Variants in CA10 observed in about 807,000 individuals in gnomAD.
CA10 encodes the protein carbonic anhydrase-related protein 10.
CA10 carries 14 observed loss-of-function variants against 44.2 expected under a neutral mutation model. That is an observed-to-expected ratio of 0.32 (90% CI 0.21 to 0.50). The LOEUF (loss-of-function observed/expected upper bound fraction) is 0.50, where lower values mean the gene tolerates loss of function less well. Ranked by LOEUF, CA10 falls within the 20% of genes least tolerant of loss-of-function variation. The pLI is 0.99. For synonymous variants in CA10, 159 were observed against 141.6 expected (o/e 1.12, Z -0.87); for missense variants, 350 against 409.7 (o/e 0.85, Z 1.26).
chr17:51,882,512 T>C (rs910814018), intron 3 of CA10, among the ~76,000 whole-genome samples: 4 of 152,174 alleles, frequency 2.6e-5, no homozygotes, highest in African/African-American at 9.6e-5. Context: ...TGGAACTAAA[T>C]GGGGCTGGCT....
At chr17:51,870,503 G>A (rs1349202668) in intron 3 of CA10, among the ~76,000 whole-genome samples, 1 of 152,194 alleles carries the variant, frequency 6.6e-6, no homozygotes, top group East Asian at 1.9e-4. Flanking sequence ...ATGTGATGTT[G>A]TTGAGAATAA....
chr17:51,723,945 G>A (rs1267364985), intron 4 of CA10, among the ~76,000 whole-genome samples: 5 of 152,140 alleles, frequency 3.3e-5, no homozygotes, highest in African/African-American at 4.8e-5. Flanking sequence ...GGGCACCTGC[G>A]AGAGAAGCCA....
At chr17:51,987,696 G>C (rs1277880056) in intron 2 of CA10, among the ~76,000 whole-genome samples, 1 of 151,832 alleles carries the variant, frequency 6.6e-6, no homozygotes, top group Non-Finnish European at 1.5e-5. Flanking sequence ...CTGATATTTT[G>C]TTCTATGGAA....
chr17:51,938,822 CATT>C (rs373708358), intron 2 of CA10, among the ~76,000 whole-genome samples: 2 of 152,134 alleles, frequency 1.3e-5, no homozygotes, highest in African/African-American at 4.8e-5. Flanking sequence ...CAATCCTCCT[CATT>C]ATTATTATTT....
intron 3 of CA10, among the ~76,000 whole-genome samples, chr17:51,749,805 C>A (rs1904831149): frequency 6.6e-6 from 1 of 152,176 alleles, no homozygotes; most frequent in South Asian, 2.1e-4. Flanking sequence ...ACAGAGGAGA[C>A]CACACACTGG....
At chr17:51,877,487 CATG>C (rs1200052107) in intron 3 of CA10, among the ~76,000 whole-genome samples, 3 of 152,292 alleles carry the variant, frequency 2.0e-5, no homozygotes, top group African/African-American at 4.8e-5. Context: ...CATCCCGCAT[CATG>C]ATGATTCTCT....
At chr17:52,137,574 T>C (rs62070289) in intron 1 of CA10, among the ~76,000 whole-genome samples, 2,445 of 152,306 alleles carry the variant, frequency 0.016, 29 homozygotes, top group East Asian at 0.024. Context: ...ACTTCTTGAC[T>C]GTCAGCTTTG....
At chr17:52,002,083 C>T (rs776734511) in intron 2 of CA10, among the ~76,000 whole-genome samples, 2 of 151,880 alleles carry the variant, frequency 1.3e-5, no homozygotes, top group Non-Finnish European at 2.9e-5. Flanking sequence ...AAAGAGCCCA[C>T]ACATATTAAA....
chr17:51,895,365 T>C (rs1286329017), intron 3 of CA10, among the ~76,000 whole-genome samples: 1 of 152,114 alleles, frequency 6.6e-6, no homozygotes, highest in Non-Finnish European at 1.5e-5. Context: ...GCTCAAGTCC[T>C]ATCATTAAAG....
At chr17:51,964,704 A>AC (rs928043166) in intron 2 of CA10, among the ~76,000 whole-genome samples, 20 of 151,758 alleles carry the variant, frequency 1.3e-4, no homozygotes, top group Non-Finnish European at 7.4e-5. Context: ...CAAAAAAAAA[A>AC]TCTTTGAAAT....
intron 3 of CA10, among the ~76,000 whole-genome samples, chr17:51,766,936 G>A (rs778418371): frequency 2.0e-5 from 3 of 152,162 alleles, no homozygotes; most frequent in Admixed American, 6.5e-5. Context: ...GGCAATGCCC[G>A]TTAGCTTGCT....
At chr17:51,756,579 C>T (rs1321368430) in intron 3 of CA10, among the ~76,000 whole-genome samples, 3 of 151,112 alleles carry the variant, frequency 2.0e-5, no homozygotes, top group Non-Finnish European at 2.9e-5. Context: ...ACGCCATTCT[C>T]CTGCTTCAGC....
chr17:51,887,153 A>T (rs1204123965), intron 3 of CA10, among the ~76,000 whole-genome samples: 5 of 151,974 alleles, frequency 3.3e-5, no homozygotes, highest in Admixed American at 3.3e-4. Flanking sequence ...TTCGGCTAAT[A>T]CAATCTTATT....
chr17:51,956,121 T>A (rs1983657195), intron 2 of CA10, among the ~76,000 whole-genome samples: 1 of 152,186 alleles, frequency 6.6e-6, no homozygotes, highest in Non-Finnish European at 1.5e-5. Context: ...AACACATGTA[T>A]ACTCATTTTC....
chr17:51,909,925 C>T (rs1044704875), intron 3 of CA10, among the ~76,000 whole-genome samples: 4 of 152,130 alleles, frequency 2.6e-5, no homozygotes, highest in African/African-American at 9.7e-5. Flanking sequence ...AGTTCTTCCA[C>T]TCTGTAATTG....
At chr17:51,857,476 G>T (rs1979099982) in intron 3 of CA10, among the ~76,000 whole-genome samples, 1 of 152,136 alleles carries the variant, frequency 6.6e-6, no homozygotes, top group African/African-American at 2.4e-5. Flanking sequence ...CATTAGCATA[G>T]CTCCTCAAGG....
At chr17:52,029,571 G>A (rs1354538879) in intron 2 of CA10, among the ~76,000 whole-genome samples, 2 of 151,806 alleles carry the variant, frequency 1.3e-5, no homozygotes, top group African/African-American at 2.4e-5. Context: ...CAAGGCGAAG[G>A]CGTTTGCTGT....
At chr17:52,148,766 ACACT>A (rs1989642611) in intron 1 of CA10, among the ~76,000 whole-genome samples, 1 of 152,170 alleles carries the variant, frequency 6.6e-6, no homozygotes, top group Non-Finnish European at 1.5e-5. Flanking sequence ...GGGAAAAAAA[ACACT>A]CACACATTTG....
At chr17:51,737,941 C>T (rs574140380) in intron 4 of CA10, among the ~76,000 whole-genome samples, 89 of 152,330 alleles carry the variant, frequency 5.8e-4, no homozygotes, top group African/African-American at 1.8e-3. Flanking sequence ...CCTTCACTTA[C>T]TATATCCTAG....
Sources: allele counts gnomAD v4.1 joint callset (sites outside exome capture counted in the v4.1 genomes callset), GRCh38; gene constraint gnomAD v4.1.1; transcripts MANE v1.5; gene names NCBI Gene and HGNC (gene_info 2026-07-23, HGNC 2026-07-21).